ADAMTS17: variants seen among roughly 807,000 people sequenced by gnomAD.
ADAMTS17 encodes the protein ADAM metallopeptidase with thrombospondin type 1 motif 17.
A neutral mutation model predicts 141.5 loss-of-function variants in ADAMTS17; 113 were observed. That is an observed-to-expected ratio of 0.80 (90% confidence interval 0.69 to 0.93). The LOEUF is 0.93. Among genes scored for constraint, ADAMTS17 ranks in the 40% least tolerant of loss-of-function variants. The pLI is 0.00. For missense variants in ADAMTS17, 1,659 were observed against 1,517.9 expected (o/e 1.09, Z -1.54); for synonymous variants, 768 against 630.6 (o/e 1.22, Z -3.27).
intron 7 of ADAMTS17, among the ~76,000 whole-genome samples, chr15:100,208,008 T>C (rs1037270701): frequency 2.0e-5 from 3 of 152,124 alleles, no homozygotes; most frequent in Non-Finnish European, 4.4e-5. Flanking sequence ...CTCTGAAGAA[T>C]CGGAGGCTAA....
intron 12 of ADAMTS17, among the ~76,000 whole-genome samples, chr15:100,124,966 A>G (rs1380098214): frequency 6.6e-6 from 1 of 152,226 alleles, no homozygotes; most frequent in Non-Finnish European, 1.5e-5. Context: ...GTGGATGGAC[A>G]GGTAGAATCA....
chr15:100,004,436 T>C (rs977165526), intron 18 of ADAMTS17, among the ~76,000 whole-genome samples: 4 of 152,154 alleles, frequency 2.6e-5, no homozygotes, highest in African/African-American at 9.7e-5. Flanking sequence ...CACAGTCAAA[T>C]CACGTTGACT....
chr15:100,334,625 G>A (rs925446931), intron 2 of ADAMTS17, among the ~76,000 whole-genome samples: 1 of 152,116 alleles, frequency 6.6e-6, no homozygotes, highest in Non-Finnish European at 1.5e-5. Context: ...ACCTCTTTCC[G>A]TGGAAGGAGG....
intron 6 of ADAMTS17, among the ~76,000 whole-genome samples, chr15:100,259,847 TTTTG>T (rs372556817): frequency 2.0e-5 from 3 of 152,154 alleles, no homozygotes; most frequent in Admixed American, 6.5e-5. Flanking sequence ...GGATTTTGGT[TTTTG>T]TTTTTCTTTT....
chr15:99,976,323 G>A (rs569589344), intron 20 of ADAMTS17, 101 bp from the exon 21 acceptor site: 1 of 1,439,666 alleles, frequency 6.9e-7, no homozygotes, highest in Non-Finnish European at 9.4e-7. Context: ...GCCTGAGTGG[G>A]GGCCTACACG....
chr15:100,022,927 T>C (rs1229636874), intron 18 of ADAMTS17, among the ~76,000 whole-genome samples: 1 of 152,226 alleles, frequency 6.6e-6, no homozygotes, highest in Non-Finnish European at 1.5e-5. Context: ...TTTGAGACTT[T>C]TGCTCAGCAA....
chr15:100,228,387 A>G (rs2042374364), intron 7 of ADAMTS17, among the ~76,000 whole-genome samples: 1 of 152,212 alleles, frequency 6.6e-6, no homozygotes, highest in Non-Finnish European at 1.5e-5. Context: ...GAAGGCAGGA[A>G]TCTCATCTGC....
At chr15:100,183,638 A>G (rs889099147) in intron 8 of ADAMTS17, among the ~76,000 whole-genome samples, 3 of 152,138 alleles carry the variant, frequency 2.0e-5, no homozygotes, top group Admixed American at 2.0e-4. Flanking sequence ...CAGCTGACTG[A>G]TTTTTCTCAA....
chr15:100,037,402 T>C (rs911382753), intron 18 of ADAMTS17, among the ~76,000 whole-genome samples: 2 of 148,852 alleles, frequency 1.3e-5, no homozygotes, highest in East Asian at 3.9e-4. Context: ...CTTTAGGTAT[T>C]CCTTTTTTTT....
intron 13 of ADAMTS17, 144 bp from the exon 14 acceptor site, chr15:100,109,260 C>CCAGCTCCTCTAAAGACGCGGCA (rs142688382): frequency 2.3e-5 from 27 of 1,165,234 alleles, no homozygotes; most frequent in Non-Finnish European, 3.2e-5. Flanking sequence ...GGTACGCGCT[C>CCAGCTCCTCTAAAGACGCGGCA]CAGGAAGCGG....
At chr15:100,112,878 C>T (rs551225600) in intron 13 of ADAMTS17, among the ~76,000 whole-genome samples, 7 of 152,030 alleles carry the variant, frequency 4.6e-5, no homozygotes, top group South Asian at 2.1e-4. Context: ...CACATGTGCC[C>T]GCTGGAGGTT....
chr15:100,075,722 G>A (rs558440543), intron 15 of ADAMTS17, among the ~76,000 whole-genome samples: 6 of 152,202 alleles, frequency 3.9e-5, no homozygotes, highest in African/African-American at 1.4e-4. Flanking sequence ...TTTTCTTTTG[G>A]GGGGGATATC....
intron 8 of ADAMTS17, among the ~76,000 whole-genome samples, chr15:100,165,489 G>A (rs2039913226): frequency 6.6e-6 from 1 of 152,198 alleles, no homozygotes; most frequent in East Asian, 1.9e-4. Context: ...ACCTGCTTGG[G>A]AGGCTCCCAT....
intron 14 of ADAMTS17, among the ~76,000 whole-genome samples, chr15:100,101,811 C>T (rs183802195): frequency 1.1e-4 from 16 of 152,324 alleles, no homozygotes; most frequent in Middle Eastern, 3.4e-3. Context: ...TTGCTTTCTT[C>T]AACTTATTAG....
At chr15:100,038,930 T>G (rs2031002472) in intron 18 of ADAMTS17, among the ~76,000 whole-genome samples, 1 of 152,232 alleles carries the variant, frequency 6.6e-6, no homozygotes, top group Non-Finnish European at 1.5e-5. Flanking sequence ...TCACTTTAAG[T>G]ATGGTGTTGG....
At chr15:100,243,148 G>A (rs1223376895) in intron 7 of ADAMTS17, among the ~76,000 whole-genome samples, 1 of 152,186 alleles carries the variant, frequency 6.6e-6, no homozygotes, top group Non-Finnish European at 1.5e-5. Context: ...ATTATAGCAT[G>A]TGTCACTATC....
At position 99,997,874 on chromosome 15, in the gene ADAMTS17, C is replaced by T. The variant is rs1170315288; in HGVS notation, c.2592-285G>A. Reference sequence around the variant, plus strand: ...GTCACGGCCTCCCTGTAGGGAATTACGTATCTGCTTGTCGTCATAGGACCT... The same window carrying T: ...GTCACGGCCTCCCTGTAGGGAATTATGTATCTGCTTGTCGTCATAGGACCT... On this transcript the variant is annotated intron_variant, in intron 18 of 21. Coordinates refer to ENST00000268070, the MANE Select transcript of ADAMTS17 (RefSeq NM_139057.4). This position sits in a 1 kb window ranked among gnomAD's most constrained non-coding sequence, Gnocchi z 4.7. Among the ~76,000 whole-genome samples, 1 of 152,044 alleles carries T rather than the reference C, an allele frequency of 6.6e-6. No individual in the cohort carries two copies. The highest frequency in any genetic ancestry group is 2.4e-5 in the African/African-American group (1 of 41,426).
At chr15:100,275,062 T>C (rs1484569060) in intron 4 of ADAMTS17, among the ~76,000 whole-genome samples, 1 of 152,222 alleles carries the variant, frequency 6.6e-6, no homozygotes, top group Non-Finnish European at 1.5e-5. Context: ...CAGGCTTTTA[T>C]GTTGAGGAAA....
chr15:100,111,713 A>G (rs1025941011), intron 13 of ADAMTS17, among the ~76,000 whole-genome samples: 2 of 152,246 alleles, frequency 1.3e-5, no homozygotes, highest in African/African-American at 4.8e-5. Context: ...GATTTGCTCA[A>G]CAGCTGCAGT....
Sources: gnomAD v4.1 joint callset for allele counts (sites outside exome capture counted in the v4.1 genomes callset) on GRCh38, gnomAD v4.1.1 for gene constraint, Gnocchi (gnomAD v3.1) non-coding constraint, MANE v1.5 for transcripts, NCBI Gene and HGNC (gene_info 2026-07-23, HGNC 2026-07-21) for gene names.